Variants in LRP6 observed in about 807,000 individuals in gnomAD.
The protein encoded by LRP6 is LDL receptor related protein 6.
LRP6 carries 43 observed loss-of-function variants against 184.1 expected under a neutral mutation model. That is an observed-to-expected ratio of 0.23 (90% confidence interval 0.18 to 0.30). The LOEUF is 0.30. LRP6 is among the 10% of genes least tolerant of loss of function. LRP6 has a pLI of 1.00. For synonymous variants in LRP6, 719 were observed against 684.9 expected (o/e 1.05, Z -0.78); for missense variants, 1,571 against 2,005.3 (o/e 0.78, Z 4.14).
rs2136817954 is a variant in LRP6 at position 12,118,110 on chromosome 12, G to A, written c.*3016C>T. 6.6e-6 allele frequency: 1 copy of A among 152,318 alleles called. No individual in the cohort carries two copies. The highest frequency in any genetic ancestry group is 2.4e-5 in the African/African-American group (1 of 41,562). The allele number at this position is 152,318 out of a possible 1,614,324, so 9.4% of individuals were successfully genotyped here. A position where few individuals can be genotyped will look rare whatever the true frequency, so the allele number is the denominator to read the frequency against. On this transcript the variant is annotated 3_prime_UTR_variant, in exon 23 of 23. Coordinates refer to ENST00000261349, the MANE Select transcript of LRP6 (RefSeq NM_002336.3). ...TAACTACATAATCTTCTGCTAAACA[G>A]ATATCTTGTGATATGCTGTAAGAGT...
intron 10 of LRP6, among the ~76,000 whole-genome samples, chr12:12,160,890 G>A (rs529415618): frequency 5.3e-5 from 8 of 152,318 alleles, no homozygotes; most frequent in African/African-American, 7.2e-5. Flanking sequence ...CAGCTCTCAC[G>A]AAATACCTGA....
chr12:12,226,786 A>AT (rs1012149129), intron 2 of LRP6: 1 of 152,200 alleles, frequency 6.6e-6, no homozygotes, highest in African/African-American at 2.4e-5. Context: ...TATAATATAT[A>AT]TTTTTAAAAA....
chr12:12,263,854 G>C (rs530257291), intron 1 of LRP6, among the ~76,000 whole-genome samples: 1 of 151,882 alleles, frequency 6.6e-6, no homozygotes, highest in African/African-American at 2.4e-5. Flanking sequence ...ATAGGAATTC[G>C]TGAACCTGGC....
At chr12:12,202,261 C>A (rs1488948003) in intron 3 of LRP6, among the ~76,000 whole-genome samples, 1 of 152,260 alleles carries the variant, frequency 6.6e-6, no homozygotes, top group African/African-American at 2.4e-5. Context: ...TAAAGTTTTA[C>A]ACCAGGTGCT....
At chr12:12,235,051 C>T (rs1424275740) in intron 2 of LRP6, among the ~76,000 whole-genome samples, 3 of 152,016 alleles carry the variant, frequency 2.0e-5, no homozygotes, top group South Asian at 2.1e-4. Context: ...AGAACACTTT[C>T]CTGAGTATAA....
chr12:12,260,239 C>T (rs565903211), intron 1 of LRP6, among the ~76,000 whole-genome samples: 121 of 151,978 alleles, frequency 8.0e-4, no homozygotes, highest in African/African-American at 2.8e-3. Flanking sequence ...ATTAGCCGGG[C>T]GTGTTGGCGG....
At chr12:12,220,767 TTTTTC>T (rs1378344862) in intron 2 of LRP6, among the ~76,000 whole-genome samples, 1 of 151,834 alleles carries the variant, frequency 6.6e-6, no homozygotes, top group Non-Finnish European at 1.5e-5. Flanking sequence ...CCCGGTTAAT[TTTTTC>T]TATTTTTAGG....
At chr12:12,217,264 C>T (rs1591956716) in intron 2 of LRP6, among the ~76,000 whole-genome samples, 1 of 151,946 alleles carries the variant, frequency 6.6e-6, no homozygotes, top group Admixed American at 6.6e-5. Context: ...TTGTGAACTG[C>T]GCATTGCAAG....
chr12:12,205,617 T>TTAA (rs762989003), intron 2 of LRP6, among the ~76,000 whole-genome samples: 26 of 152,322 alleles, frequency 1.7e-4, no homozygotes, highest in Middle Eastern at 3.4e-3. Context: ...ATTATCTTAC[T>TTAA]TAAGCCTTAA....
intron 1 of LRP6, among the ~76,000 whole-genome samples, chr12:12,247,077 C>T (rs183084884): frequency 6.6e-6 from 1 of 152,246 alleles, no homozygotes; most frequent in Non-Finnish European, 1.5e-5. Flanking sequence ...ACTTTTAATT[C>T]ATTTCTGGCC....
chr12:12,239,581 G>A (rs1216726709), intron 2 of LRP6, among the ~76,000 whole-genome samples: 1 of 151,816 alleles, frequency 6.6e-6, no homozygotes, highest in South Asian at 2.1e-4. Context: ...AATTTCTGAA[G>A]AGTCATCAAC....
intron 1 of LRP6, among the ~76,000 whole-genome samples, chr12:12,259,124 T>C (rs977390064): frequency 2.6e-5 from 4 of 152,078 alleles, no homozygotes; most frequent in Non-Finnish European, 5.9e-5. Flanking sequence ...TAGGTAGGCA[T>C]GATAGTGGGC....
At chr12:12,225,247 A>G (rs554133802) in intron 2 of LRP6, among the ~76,000 whole-genome samples, 2 of 152,264 alleles carry the variant, frequency 1.3e-5, no homozygotes, top group African/African-American at 4.8e-5. Flanking sequence ...AAGCTTGGAA[A>G]TCGTTACTCT....
chr12:12,165,965 C>T (rs1367435750), intron 7 of LRP6, among the ~76,000 whole-genome samples: 2 of 152,150 alleles, frequency 1.3e-5, no homozygotes, highest in African/African-American at 4.8e-5. Context: ...CTAATAGTAA[C>T]ATTATTAAAT....
At chr12:12,201,885 GATTAC>G (rs1468067822) in intron 3 of LRP6, among the ~76,000 whole-genome samples, 3 of 152,148 alleles carry the variant, frequency 2.0e-5, no homozygotes, top group African/African-American at 7.2e-5. Context: ...CCAACTCCAT[GATTAC>G]AAAAAGTTTA....
intron 1 of LRP6, among the ~76,000 whole-genome samples, chr12:12,252,408 G>A (rs904425887): frequency 2.6e-5 from 4 of 152,144 alleles, no homozygotes; most frequent in Non-Finnish European, 4.4e-5. Flanking sequence ...TTGATCAAAC[G>A]TTATGGGTCA....
intron 8 of LRP6, 124 bp downstream of exon 8, chr12:12,164,955 A>AG: frequency 1.9e-6 from 1 of 528,570 alleles, no homozygotes; most frequent in Non-Finnish European, 3.3e-6. Context: ...AAAAAAAAAA[A>AG]GGCGGGGGGG....
chr12:12,252,164 C>T (rs1006928121), intron 1 of LRP6, among the ~76,000 whole-genome samples: 1 of 152,216 alleles, frequency 6.6e-6, no homozygotes, highest in Non-Finnish European at 1.5e-5. Flanking sequence ...AGATTACAGG[C>T]ATGGGCCACC....
intron 2 of LRP6, among the ~76,000 whole-genome samples, chr12:12,205,458 G>A (rs1487953823): frequency 6.6e-6 from 1 of 151,716 alleles, no homozygotes; most frequent in African/African-American, 2.4e-5. Flanking sequence ...CGGTGGAATG[G>A]TAATACTGAA....
Sources: gnomAD v4.1 joint callset for allele counts (sites outside exome capture counted in the v4.1 genomes callset) on GRCh38, gnomAD v4.1.1 for gene constraint, MANE v1.5 for transcripts, NCBI Gene and HGNC (gene_info 2026-07-23, HGNC 2026-07-21) for gene names.